The following KHDRBS2 variants were observed in gnomAD, a reference collection of about 807,000 sequenced individuals.
KHDRBS2 encodes KH RNA binding domain containing, signal transduction associated 2, also known as KH domain-containing, RNA-binding, signal transduction-associated protein 2.
KHDRBS2 carries 26 observed loss-of-function variants against 44.3 expected under a neutral mutation model. That is an observed-to-expected ratio of 0.59 (90% confidence interval 0.43 to 0.81). The LOEUF is 0.81. Ranked by LOEUF, KHDRBS2 falls within the 40% of genes least tolerant of loss-of-function variation. The pLI, the probability that KHDRBS2 is intolerant of heterozygous loss-of-function variation, is 0.00. For missense variants in KHDRBS2, 476 were observed against 433.1 expected (o/e 1.10, Z -0.88); for synonymous variants, 194 against 151.1 (o/e 1.28, Z -2.08).
chr6:61,989,086 T>C (rs1775627593), intron 3 of KHDRBS2, among the ~76,000 whole-genome samples: 1 of 152,098 alleles, frequency 6.6e-6, no homozygotes, highest in Non-Finnish European at 1.5e-5. Context: ...CTGTTGAAAA[T>C]AGATTTCCCC....
In KHDRBS2 at chr6:61,765,516, A is replaced by G. The variant is rs561087620; in HGVS notation, c.811-32752T>C. 5.3e-4 allele frequency among the ~76,000 whole-genome samples: 81 copies of G among 152,152 alleles called. 2 individuals carry two copies. In the South Asian group the frequency reaches 7.5e-3, roughly 14 times the overall value. On this transcript the variant is annotated intron_variant, in intron 6 of 8. Coordinates refer to ENST00000281156, the MANE Select transcript of KHDRBS2 (RefSeq NM_152688.4). ...ATAAAGGATCCTACATTCTTTTTTT[A>G]TTTTTAATTTTTATGGGTACATAAT...
the KHDRBS2 span, among the ~76,000 whole-genome samples, chr6:61,611,634 T>C: frequency 6.6e-6 from 1 of 152,048 alleles, no homozygotes; most frequent in Non-Finnish European, 1.5e-5. Context: ...CTATATACAA[T>C]CATTTGATTC....
the KHDRBS2 span, among the ~76,000 whole-genome samples, chr6:61,586,367 TGAAACA>T: frequency 6.6e-6 from 1 of 152,150 alleles, no homozygotes; most frequent in African/African-American, 2.4e-5. Flanking sequence ...TGCTTCTTTA[TGAAACA>T]GATTGATTTT....
At chr6:61,729,950 TA>T (rs1431573923) in intron 7 of KHDRBS2, among the ~76,000 whole-genome samples, 1 of 152,070 alleles carries the variant, frequency 6.6e-6, no homozygotes, top group Non-Finnish European at 1.5e-5. Context: ...TTAATTTTGA[TA>T]AAATACAATT....
chr6:62,199,932 A>G (rs1263538072), intron 1 of KHDRBS2, among the ~76,000 whole-genome samples: 1 of 152,208 alleles, frequency 6.6e-6, no homozygotes, highest in African/African-American at 2.4e-5. Flanking sequence ...ATAATGCCAC[A>G]TATCTACAAC....
intron 1 of KHDRBS2, among the ~76,000 whole-genome samples, chr6:62,260,154 T>C (rs1310578044): frequency 6.6e-6 from 1 of 151,988 alleles, no homozygotes; most frequent in Non-Finnish European, 1.5e-5. Flanking sequence ...CTAATATTTA[T>C]CTCAAAAAGC....
chr6:61,655,537 G>A, the KHDRBS2 span, among the ~76,000 whole-genome samples: 2 of 152,090 alleles, frequency 1.3e-5, no homozygotes, highest in African/African-American at 2.4e-5. Flanking sequence ...TTACAGGCAT[G>A]AGCCAATGTG....
chr6:61,857,541 A>G (rs1365438584), intron 6 of KHDRBS2, among the ~76,000 whole-genome samples: 3 of 151,794 alleles, frequency 2.0e-5, no homozygotes, highest in Non-Finnish European at 4.4e-5. Flanking sequence ...TATAACTTAT[A>G]ATCAATGTTT....
chr6:62,172,394 C>G (rs926581499), intron 2 of KHDRBS2, among the ~76,000 whole-genome samples: 3 of 151,970 alleles, frequency 2.0e-5, no homozygotes, highest in South Asian at 2.1e-4. Flanking sequence ...TTATCCTAAG[C>G]ATATATGCAT....
At chr6:61,823,955 T>G (rs1028520062) in intron 6 of KHDRBS2, among the ~76,000 whole-genome samples, 4 of 152,164 alleles carry the variant, frequency 2.6e-5, no homozygotes, top group African/African-American at 9.7e-5. Context: ...TAACAATCAA[T>G]TCTTTTTTAA....
chr6:61,673,057 C>G, the KHDRBS2 span, among the ~76,000 whole-genome samples: 2 of 151,654 alleles, frequency 1.3e-5, no homozygotes, highest in South Asian at 4.1e-4. Context: ...TTTCAGCTTT[C>G]TACATATGGC....
intron 3 of KHDRBS2, among the ~76,000 whole-genome samples, chr6:61,982,451 C>A (rs1774033391): frequency 6.6e-6 from 1 of 151,738 alleles, no homozygotes; most frequent in African/African-American, 2.4e-5. Context: ...GAGGGCGGAT[C>A]ACGAGGTCAG....
At chr6:62,002,900 C>T (rs979497656) in intron 3 of KHDRBS2, among the ~76,000 whole-genome samples, 9 of 151,800 alleles carry the variant, frequency 5.9e-5, no homozygotes, top group African/African-American at 1.9e-4. Context: ...TAATAACATG[C>T]AATTTAGAAA....
At chr6:61,813,550 A>G (rs1253268008) in intron 6 of KHDRBS2, among the ~76,000 whole-genome samples, 2 of 152,212 alleles carry the variant, frequency 1.3e-5, no homozygotes, top group Non-Finnish European at 1.5e-5. Flanking sequence ...GTAAGCTAAT[A>G]TTAGAAGAGT....
chr6:61,999,882 C>A (rs1320610036), intron 3 of KHDRBS2, among the ~76,000 whole-genome samples: 6 of 151,920 alleles, frequency 3.9e-5, no homozygotes, highest in Non-Finnish European at 8.8e-5. Flanking sequence ...AAATCAGAAA[C>A]AAAATTAAAG....
intron 1 of KHDRBS2, among the ~76,000 whole-genome samples, chr6:62,242,359 G>A (rs1437313630): frequency 6.6e-6 from 1 of 152,084 alleles, no homozygotes; most frequent in East Asian, 1.9e-4. Context: ...ACATTTTTGA[G>A]CAAGGTTTCT....
intron 2 of KHDRBS2, among the ~76,000 whole-genome samples, chr6:62,108,356 C>T (rs1212381873): frequency 1.3e-5 from 2 of 152,212 alleles, no homozygotes; most frequent in Non-Finnish European, 2.9e-5. Context: ...TGCTCACCAT[C>T]ACTGGCCATC....
intron 6 of KHDRBS2, among the ~76,000 whole-genome samples, chr6:61,874,269 G>A (rs1374739007): frequency 6.6e-6 from 1 of 152,028 alleles, no homozygotes; most frequent in Admixed American, 6.6e-5. Flanking sequence ...TAAATGCTGA[G>A]AATTAATTTT....
intron 6 of KHDRBS2, among the ~76,000 whole-genome samples, chr6:61,756,321 A>G (rs1419949695): frequency 6.6e-6 from 1 of 151,920 alleles, no homozygotes; most frequent in Non-Finnish European, 1.5e-5. Context: ...CAGTGGCACG[A>G]TCTTGGCTCA....
Sources: allele counts gnomAD v4.1 joint callset (sites outside exome capture counted in the v4.1 genomes callset), GRCh38; gene constraint gnomAD v4.1.1; transcripts MANE v1.5; gene names NCBI Gene and HGNC (gene_info 2026-07-23, HGNC 2026-07-21).